Variants in CORO7 observed in about 807,000 individuals in gnomAD.
CORO7 encodes the protein coronin 7.
Under a neutral mutation model 126.6 loss-of-function variants are expected in CORO7, and 107 were observed. That is an observed-to-expected ratio of 0.85 (90% CI 0.72 to 0.99). The LOEUF (loss-of-function observed/expected upper bound fraction) is 0.99. Ranked by LOEUF, CORO7 falls within the 50% of genes least tolerant of loss-of-function variation. The probability of loss-of-function intolerance (pLI) is 0.00; values close to 1 mark genes in which losing one functional copy is unlikely to be tolerated. For missense variants in CORO7, 1,314 were observed against 1,255.8 expected (o/e 1.05, Z -0.70); for synonymous variants, 603 against 536.8 (o/e 1.12, Z -1.70).
Position 4,364,268 on chromosome 16 carries a change from G to A in CORO7, c.1275+8C>T. The A allele has an allele frequency of 6.5e-7, 1 of 1,529,548 alleles. No homozygotes were observed. Among genetic ancestry groups the A allele is most frequent in the Non-Finnish European group, 8.8e-7 (1 of 1,141,426 alleles). The allele number at this position is 1,529,548 out of a possible 1,614,324, so 94.7% of individuals were successfully genotyped here. ...CTGAGGGAGGATGGGGGCGGCCCTGGTACTTACGCTTGCGTCTGCATCACC... is the reference window on the plus strand; with the variant it reads ...CTGAGGGAGGATGGGGGCGGCCCTGATACTTACGCTTGCGTCTGCATCACC... On this transcript the variant is annotated splice_region_variant and intron_variant, in intron 14 of 27. Transcript: ENST00000251166.
chr16:4,373,543 T>C (rs978450795), intron 9 of CORO7, among the ~76,000 whole-genome samples: 1 of 152,058 alleles, frequency 6.6e-6, no homozygotes, highest in Non-Finnish European at 1.5e-5. Context: ...TGCCCAGACC[T>C]GTGCTTACCC....
At position 4,405,555 on chromosome 16, in the gene CORO7, T is replaced by A. The variant is rs377516366; in HGVS notation, c.500A>T (p.His167Leu). Residue 167 changes from histidine (H) to leucine (L), a missense_variant, in exon 6 of 28, where the codon CAT (histidine) becomes CTT (leucine). Transcript: ENST00000251166. ...KQQPLTELAA[H>L]GDLVQSAVWS... ...GACGGCGCTCTGCACCAGGTCCCCATGGGCTGCCAGCTCTGCAGAGAAGCA... is the reference window on the plus strand; with the variant it reads ...GACGGCGCTCTGCACCAGGTCCCCAAGGGCTGCCAGCTCTGCAGAGAAGCA... 5.1e-5 allele frequency: 82 copies of A among 1,612,156 alleles called. No individual in the cohort carries two copies. Among genetic ancestry groups the A allele is most frequent in the Middle Eastern group, 1.6e-4 (1 of 6,074 alleles).
chr16:4,365,320 T>C (rs1282758722), intron 10 of CORO7, among the ~76,000 whole-genome samples, 171 bp downstream of exon 10: 2 of 152,200 alleles, frequency 1.3e-5, no homozygotes, highest in African/African-American at 2.4e-5. Context: ...GACACTGCTC[T>C]ATTCTCGGCC....
chr16:4,392,192 A>G (rs1336628580), intron 7 of CORO7, among the ~76,000 whole-genome samples: 1 of 152,090 alleles, frequency 6.6e-6, no homozygotes, highest in East Asian at 1.9e-4. Flanking sequence ...TGGGGCTGCC[A>G]CTTTCCCAGA....
chr16:4,359,080 AT>A lies in CORO7; in HGVS notation c.2340+215del, dbSNP rs1017271915. ...GCCACCGTACCCGGCCTACAGTATG[AT>A]TTTTAATAATGGTTGAGTATGACAA... On this transcript the variant is annotated intron_variant, in intron 23 of 27. Coordinates refer to ENST00000251166, the MANE Select transcript of CORO7 (RefSeq NM_024535.5). The A allele has an allele frequency of 1.8e-5, 11 of 610,694 alleles. No individual in the cohort carries two copies. The Admixed American group carries it at 3.8e-4, about 21-fold the overall frequency. 37.8% of individuals were successfully genotyped at this position (610,694 alleles called of 1,614,324 possible).
chr16:4,408,988 C>T (rs769409601), intron 3 of CORO7, among the ~76,000 whole-genome samples: 7 of 152,116 alleles, frequency 4.6e-5, no homozygotes, highest in East Asian at 3.9e-4. Context: ...AGAACTTGAA[C>T]GGCTCAGCTC....
rs147444008 is a variant in CORO7 at position 4,364,748 on chromosome 16, G to A, written c.1044+27C>T. 85 of 1,602,258 alleles carry A rather than the reference G, an allele frequency of 5.3e-5. No homozygotes were observed. The African/African-American group carries it at 6.9e-4, about 13-fold the overall frequency. ...CAGGCCCCCCGACTCCCCAGCCCCC[G>A]CAGTCCCTCGCCCAAGTCCCCCTCA... On this transcript the variant is annotated intron_variant, in intron 12 of 27. Transcript: ENST00000251166.
At position 4,360,480 on chromosome 16, in the gene CORO7, C is replaced by G. The variant is rs2054129862; in HGVS notation, c.1986G>C (p.Arg662=). 2 of 1,612,402 alleles carry G rather than the reference C, an allele frequency of 1.2e-6. No individual in the cohort carries two copies. Among genetic ancestry groups the G allele is most frequent in the Non-Finnish European group, 1.7e-6 (2 of 1,179,674 alleles). Residue 662 remains arginine (R), a synonymous_variant, in exon 20 of 28, where the codon CGG becomes CGC. Transcript: ENST00000251166. ...LATVCKDGRV[R]VYRPRSGPEP... is the part of the protein sequence containing the mutation. ...CAGGGCCACTCCGGGGCCTGTAGAC[C>G]CGCACACGCCCATCCTTGCAGACAG...
intron 9 of CORO7, chr16:4,383,040 T>G: frequency 3.2e-6 from 3 of 937,582 alleles, no homozygotes; most frequent in Non-Finnish European, 4.6e-6. Flanking sequence ...AGCTGGGCCC[T>G]GTTCCCTCTG....
At position 4,359,599 on chromosome 16, in the gene CORO7, G is replaced by T; in HGVS notation, c.2131C>A (p.Leu711Ile). The T allele has an allele frequency of 6.2e-7, 1 of 1,604,442 alleles. No individual in the cohort carries two copies. Among genetic ancestry groups the T allele is most frequent in the East Asian group, 2.2e-5 (1 of 44,680 alleles). ...CCGGCCAGGGCCTCAGCTTCATATA[G>T]GAGCAGCTGGCGCTCACTTTGGCTG... Reference protein sequence around the residue: ...FDSQSERQLLLYEAEALAGGP... With the variant: ...FDSQSERQLLIYEAEALAGGP... Residue 711 changes from leucine (L) to isoleucine (I), a missense_variant, in exon 22 of 28, where the codon CTA becomes ATA. Leu to Ile is a conservative substitution (Grantham distance 5). Transcript: ENST00000251166.
intron 6 of CORO7, among the ~76,000 whole-genome samples, chr16:4,403,087 C>A (rs76879884): frequency 6.6e-6 from 1 of 152,066 alleles, no homozygotes; most frequent in Non-Finnish European, 1.5e-5. Context: ...CATCAGGCAG[C>A]CCGTGGCATG....
At chr16:4,363,522 T>C (rs2054250691) in intron 14 of CORO7, among the ~76,000 whole-genome samples, 1 of 150,784 alleles carries the variant, frequency 6.6e-6, no homozygotes, top group Admixed American at 6.6e-5. Flanking sequence ...CTGGCCAACA[T>C]GGTGAAAACC....
chr16:4,359,307 C>T lies in CORO7; in HGVS notation c.2329G>A (p.Asp777Asn). ...FLECNSFTSP[D>N]PHKGLVLLPK... is the part of the protein sequence containing the mutation. ...CAGGGTGGCCTCACCTTGTGGGGGT[C>T]AGGCGACGTGAAGCTGTTGCACTCC... The change falls in exon 23 of 28, where the codon GAC (aspartate) becomes AAC (asparagine). Residue 777 changes from aspartate (D) to asparagine (N), a missense_variant. Asp to Asn is a conservative substitution (Grantham distance 23). Transcript: ENST00000251166. 1 of 1,607,098 alleles carries T rather than the reference C, an allele frequency of 6.2e-7. No individual in the cohort carries two copies. Among genetic ancestry groups the T allele is most frequent in the Non-Finnish European group, 8.5e-7 (1 of 1,177,516 alleles).
At chr16:4,413,914 G>A (rs113801181) in intron 1 of CORO7, among the ~76,000 whole-genome samples, 7 of 151,700 alleles carry the variant, frequency 4.6e-5, no homozygotes, top group Admixed American at 1.3e-4. Flanking sequence ...GGCCAGGTGC[G>A]GTGGTTCATG....
In CORO7 at chr16:4,407,540, C is replaced by T. The variant is rs944521987; in HGVS notation, c.448G>A (p.Val150Met). 2 of 1,578,850 alleles carry T rather than the reference C, an allele frequency of 1.3e-6. No individual in the cohort carries two copies. The highest frequency in any genetic ancestry group is 1.3e-5 in the African/African-American group (1 of 74,104). Residue 150 changes from valine to methionine, a missense_variant, in exon 5 of 28, where the codon GTG becomes ATG. By Grantham distance (21) the Val-to-Met change is conservative. Transcript: ENST00000251166. ...TGCTTGGCTGCGTCCCAGACCTTCA[C>T]AGTGGTGCCTGCTGCGCTCACCAGA... is the stretch of plus-strand genomic sequence containing the variant. Reference protein sequence around the residue: ...GILVSAAGTTVKVWDAAKQQP... With the variant: ...GILVSAAGTTMKVWDAAKQQP...
intron 7 of CORO7, among the ~76,000 whole-genome samples, chr16:4,391,680 G>A (rs532090499): frequency 6.6e-5 from 10 of 152,368 alleles, no homozygotes; most frequent in South Asian, 2.1e-4. Context: ...ACAGTGAGCC[G>A]TGTTGGCGCC....
At chr16:4,398,003 C>G (rs1324408383) in intron 6 of CORO7, among the ~76,000 whole-genome samples, 1 of 152,062 alleles carries the variant, frequency 6.6e-6, no homozygotes, top group Non-Finnish European at 1.5e-5. Flanking sequence ...TGCAAATCAA[C>G]CTCCTGGACT....
intron 9 of CORO7, among the ~76,000 whole-genome samples, chr16:4,368,909 C>G (rs1203148708): frequency 6.6e-6 from 1 of 152,198 alleles, no homozygotes; most frequent in African/African-American, 2.4e-5. Context: ...GGTGCCAGGA[C>G]AGAAGCTGAG....
chr16:4,357,056 G>C, intron 26 of CORO7, 112 bp downstream of exon 26: 1 of 1,371,984 alleles, frequency 7.3e-7, no homozygotes, highest in Non-Finnish European at 1.0e-6. Context: ...TGAAGGGGAC[G>C]TGACATGTGG....
Sources: gnomAD v4.1 joint callset for allele counts (sites outside exome capture counted in the v4.1 genomes callset) on GRCh38, gnomAD v4.1.1 for gene constraint, MANE v1.5 for transcripts, NCBI Gene and HGNC (gene_info 2026-07-23, HGNC 2026-07-21) for gene names.